The following PCSK6 variants were observed in gnomAD, a reference collection of about 807,000 sequenced individuals.
PCSK6 encodes the protein paired basic amino acid cleaving enzyme 4.
In PCSK6, 85 loss-of-function variants were observed where a neutral mutation model predicts 123.3. That is an observed-to-expected ratio of 0.69 (90% CI 0.58 to 0.83). The LOEUF is 0.83. Ranked by LOEUF, PCSK6 falls within the 40% of genes least tolerant of loss-of-function variation. PCSK6 has a pLI of 0.00. For synonymous variants in PCSK6, 508 were observed against 516.0 expected (o/e 0.98, Z 0.21); for missense variants, 1,191 against 1,282.3 (o/e 0.93, Z 1.09).
intron 13 of PCSK6, among the ~76,000 whole-genome samples, chr15:101,350,708 G>A (rs10152471): frequency 0.5 from 76,239 of 151,996 alleles, 20,877 homozygotes; most frequent in African/African-American, 0.74. Flanking sequence ...GCTGGCCCCC[G>A]CAAGCATAAA....
At chr15:101,391,674 C>T (rs1258552506) in intron 8 of PCSK6, among the ~76,000 whole-genome samples, 2 of 152,214 alleles carry the variant, frequency 1.3e-5, no homozygotes, top group African/African-American at 2.4e-5. Context: ...GGGTTGTGAT[C>T]GCCATCACAG....
intron 21 of PCSK6, among the ~76,000 whole-genome samples, chr15:101,306,352 C>G (rs1362060878): frequency 6.6e-6 from 1 of 152,038 alleles, no homozygotes; most frequent in Non-Finnish European, 1.5e-5. Flanking sequence ...CTCCCGCCAC[C>G]CCCCAAAAAT....
chr15:101,332,180 C>A lies in PCSK6; in HGVS notation c.1859-149G>T, dbSNP rs117862599. On this transcript the variant is annotated intron_variant, in intron 13 of 21. Coordinates refer to ENST00000611716, the MANE Select transcript of PCSK6 (RefSeq NM_002570.5). ...CCTGGTTACCTGCTGGCCAGCTGTG[C>A]ACCTATTGCCCAGGCCACATGCTGC... The A allele has an allele frequency of 2.8e-3, 1,890 of 670,856 alleles. 44 individuals carry two copies. The East Asian group carries it at 0.048, about 17-fold the overall frequency. 41.6% of individuals were successfully genotyped at this position (670,856 alleles called of 1,614,324 possible). A position where few individuals can be genotyped will look rare whatever the true frequency, so the allele number is the denominator to read the frequency against.
chr15:101,361,852 G>A (rs2041232880), intron 13 of PCSK6, among the ~76,000 whole-genome samples: 2 of 152,076 alleles, frequency 1.3e-5, no homozygotes, highest in South Asian at 4.1e-4. Context: ...AACTGAGGCA[G>A]TGGGCAGACT....
chr15:101,324,275 A>G (rs1175791360), intron 17 of PCSK6, among the ~76,000 whole-genome samples: 3 of 152,240 alleles, frequency 2.0e-5, no homozygotes, highest in Non-Finnish European at 2.9e-5. Context: ...GTTGGTCAGC[A>G]GCTCCTTTTC....
chr15:101,339,461 C>T (rs893705569), intron 13 of PCSK6, among the ~76,000 whole-genome samples: 1 of 151,998 alleles, frequency 6.6e-6, no homozygotes, highest in Admixed American at 6.6e-5. Flanking sequence ...GAGGTTTGGG[C>T]GGAAGGAATA....
intron 1 of PCSK6, among the ~76,000 whole-genome samples, chr15:101,450,792 G>A (rs986454691): frequency 2.0e-5 from 3 of 152,114 alleles, no homozygotes; most frequent in African/African-American, 7.2e-5. Flanking sequence ...CAGGACAGCT[G>A]TGAGGTCGGG....
chr15:101,385,326 TC>T (rs796835189), intron 9 of PCSK6, among the ~76,000 whole-genome samples: 19 of 152,328 alleles, frequency 1.2e-4, no homozygotes, highest in African/African-American at 4.6e-4. Context: ...CCCACCTTTT[TC>T]TTTTTTTTAA....
chr15:101,367,816 G>GT (rs1290956682), intron 12 of PCSK6, among the ~76,000 whole-genome samples: 6 of 151,884 alleles, frequency 4.0e-5, no homozygotes, highest in African/African-American at 7.3e-5. Flanking sequence ...CCTCAGGGTA[G>GT]TTTTTGTTTG....
At chr15:101,406,753 C>G (rs1050434967) in intron 6 of PCSK6, among the ~76,000 whole-genome samples, 10 of 152,148 alleles carry the variant, frequency 6.6e-5, no homozygotes, top group Non-Finnish European at 1.5e-4. Context: ...CGTTCGCCAT[C>G]GTGACATGAA....
chr15:101,478,083 C>T (rs959534816), intron 1 of PCSK6, among the ~76,000 whole-genome samples: 1 of 151,992 alleles, frequency 6.6e-6, no homozygotes, highest in African/African-American at 2.4e-5. Flanking sequence ...GGCTCACATG[C>T]CACCTGCTCC....
intron 18 of PCSK6, among the ~76,000 whole-genome samples, chr15:101,320,222 A>G (rs2040086722): frequency 6.6e-6 from 1 of 152,180 alleles, no homozygotes; most frequent in Non-Finnish European, 1.5e-5. Context: ...AGTAGCTGAG[A>G]TTACAGGCGT....
intron 13 of PCSK6, among the ~76,000 whole-genome samples, chr15:101,345,532 G>T (rs2040709612): frequency 6.6e-6 from 1 of 152,020 alleles, no homozygotes; most frequent in African/African-American, 2.4e-5. Flanking sequence ...GAAACAGCAG[G>T]CCAGAAAAAA....
At chr15:101,378,468 A>C (rs1037661661) in intron 11 of PCSK6, among the ~76,000 whole-genome samples, 1 of 152,230 alleles carries the variant, frequency 6.6e-6, no homozygotes, top group Non-Finnish European at 1.5e-5. Flanking sequence ...CTCTGCATTT[A>C]GCTTTAGCAT....
At chr15:101,475,541 G>A (rs115267009) in intron 1 of PCSK6, among the ~76,000 whole-genome samples, 11,493 of 152,126 alleles carry the variant, frequency 0.076, 438 homozygotes, top group East Asian at 0.12. Flanking sequence ...GCTGGAGTGC[G>A]GTGATGTGGT....
intron 15 of PCSK6, 67 bp downstream of exon 15, chr15:101,331,584 G>T: frequency 6.9e-7 from 1 of 1,459,058 alleles, no homozygotes; most frequent in South Asian, 1.2e-5. Context: ...ATTCTGGTTG[G>T]GCATATAGAC....
At chr15:101,406,243 C>T (rs760823094) in intron 6 of PCSK6, among the ~76,000 whole-genome samples, 15 of 152,066 alleles carry the variant, frequency 9.9e-5, no homozygotes, top group Non-Finnish European at 2.2e-4. Context: ...CACACATGCA[C>T]ATCAATACAA....
rs1486985050 is a variant in PCSK6, at chr15:101,313,379, C to T, written c.2696G>A (p.Arg899Gln). The T allele has an allele frequency of 1.1e-5, 17 of 1,612,582 alleles. No homozygotes were observed. The highest frequency in any genetic ancestry group is 5.3e-5 in the African/African-American group (4 of 74,926). The change falls in exon 20 of 22, where the codon CGA becomes CAA. Residue 899 changes from arginine (R) to glutamine (Q), a missense_variant. Arg to Gln is a conservative substitution (Grantham distance 43, BLOSUM62 1). Around this residue, in one of 3 missense-constraint regions of PCSK6, gnomAD observed 630 missense variants for 631.4 expected, o/e 1.00. Transcript: ENST00000611716. Reference protein sequence around the residue: ...EMPGLPHKVCRRCDENCLSCA... With the variant: ...EMPGLPHKVCQRCDENCLSCA... ...TTCCCCGCCAGGAGGACCGTACCTT[C>T]GACACACTTTGTGGGGCAAGCCCGG...
intron 13 of PCSK6, among the ~76,000 whole-genome samples, chr15:101,338,363 G>C (rs914653421): frequency 2.6e-5 from 4 of 152,010 alleles, no homozygotes; most frequent in African/African-American, 7.3e-5. Flanking sequence ...CACAGTGTCG[G>C]CCCCCCACAG....
Sources: allele counts gnomAD v4.1 joint callset (sites outside exome capture counted in the v4.1 genomes callset), GRCh38; gene constraint gnomAD v4.1.1; regional missense constraint gnomAD v4.1.1; transcripts MANE v1.5; gene names NCBI Gene and HGNC (gene_info 2026-07-23, HGNC 2026-07-21).